The following PTPRD variants were observed in gnomAD, a reference collection of about 807,000 sequenced individuals.
PTPRD encodes receptor-type tyrosine-protein phosphatase delta.
In PTPRD, 34 loss-of-function variants were observed where a neutral mutation model predicts 214.5. That is an observed-to-expected ratio of 0.16 (90% CI 0.12 to 0.21). The LOEUF (loss-of-function observed/expected upper bound fraction) is 0.21. Among genes scored for constraint, PTPRD ranks in the 10% least tolerant of loss-of-function variants. The pLI, the probability that PTPRD is intolerant of heterozygous loss-of-function variation, is 1.00. For missense variants in PTPRD, 2,545 were observed against 2,398.7 expected, an observed-to-expected ratio of 1.06 and a Z score of -1.27; for synonymous variants, 1,128 against 845.7, an observed-to-expected ratio of 1.33 and a Z score of -5.79.
At chr9:9,640,845 T>C (rs1316493246) in intron 7 of PTPRD, among the ~76,000 whole-genome samples, 1 of 152,168 alleles carries the variant, frequency 6.6e-6, no homozygotes, top group Non-Finnish European at 1.5e-5. Context: ...TGCTAAGAGG[T>C]CATTGTAAAT....
At chr9:8,669,913 C>T (rs141999731) in intron 12 of PTPRD, among the ~76,000 whole-genome samples, 115 of 152,156 alleles carry the variant, frequency 7.6e-4, no homozygotes, top group African/African-American at 2.6e-3. Flanking sequence ...AAGAACTTTG[C>T]AAGTCCCTGT....
intron 2 of PTPRD, among the ~76,000 whole-genome samples, chr9:10,545,524 T>G (rs1012441171): frequency 5.3e-5 from 8 of 152,172 alleles, no homozygotes; most frequent in African/African-American, 1.9e-4. Flanking sequence ...CTTGTTTATT[T>G]ATTGATTGAT....
intron 12 of PTPRD, among the ~76,000 whole-genome samples, chr9:8,727,852 T>C (rs767704457): frequency 5.3e-5 from 8 of 152,188 alleles, no homozygotes; most frequent in Non-Finnish European, 8.8e-5. Flanking sequence ...TTTAGTGAGA[T>C]ATAATTCAAA....
chr9:8,644,667 G>A (rs1482949033), intron 12 of PTPRD, among the ~76,000 whole-genome samples: 1 of 152,188 alleles, frequency 6.6e-6, no homozygotes, highest in African/African-American at 2.4e-5. Flanking sequence ...GCCAGCCAGG[G>A]AAGCTGCTGT....
chr9:9,741,380 ATGTT>A (rs1178749944), intron 6 of PTPRD, among the ~76,000 whole-genome samples: 17 of 152,128 alleles, frequency 1.1e-4, no homozygotes, highest in African/African-American at 3.9e-4. Context: ...AAGGAGTAGT[ATGTT>A]TAACTTTTAT....
At chr9:8,509,835 T>C (rs976695188) in intron 21 of PTPRD, among the ~76,000 whole-genome samples, 2 of 152,110 alleles carry the variant, frequency 1.3e-5, no homozygotes, top group African/African-American at 2.4e-5. Flanking sequence ...TCTCAGAGAG[T>C]ACACTGTCCT....
chr9:8,705,085 A>G (rs2098175863), intron 12 of PTPRD, among the ~76,000 whole-genome samples: 1 of 152,036 alleles, frequency 6.6e-6, no homozygotes, highest in Non-Finnish European at 1.5e-5. Context: ...TATTACTGCA[A>G]TTTTCAATAA....
At chr9:9,354,571 G>A (rs1162894809) in intron 9 of PTPRD, among the ~76,000 whole-genome samples, 1 of 151,644 alleles carries the variant, frequency 6.6e-6, no homozygotes, top group Admixed American at 6.6e-5. Flanking sequence ...ATCAGTGAAT[G>A]AAACAAAGTT....
chr9:9,664,062 C>A (rs1187062801), intron 7 of PTPRD, among the ~76,000 whole-genome samples: 1 of 130,248 alleles, frequency 7.7e-6, no homozygotes, highest in African/African-American at 2.9e-5. Context: ...TCAATATCTA[C>A]ATATACAAAC....
intron 3 of PTPRD, among the ~76,000 whole-genome samples, chr9:10,105,628 A>G (rs1265885628): frequency 2.0e-5 from 3 of 151,824 alleles, no homozygotes; most frequent in African/African-American, 4.8e-5. Context: ...CCCTCTGCCA[A>G]CCTGAATTGG....
intron 9 of PTPRD, among the ~76,000 whole-genome samples, chr9:9,291,164 G>A (rs986099516): frequency 1.3e-5 from 2 of 151,378 alleles, no homozygotes; most frequent in Admixed American, 1.3e-4. Flanking sequence ...GCATATGTAT[G>A]GTTTTGAATA....
intron 6 of PTPRD, among the ~76,000 whole-genome samples, chr9:9,738,506 C>G: frequency 7.7e-6 from 1 of 130,610 alleles, no homozygotes; most frequent in South Asian, 2.4e-4. Context: ...ACCATCAGTG[C>G]GATCTTGGCT....
chr9:8,674,536 T>C (rs141765614), intron 12 of PTPRD, among the ~76,000 whole-genome samples: 2 of 151,652 alleles, frequency 1.3e-5, no homozygotes, highest in African/African-American at 4.8e-5. Context: ...TAAGGATTAT[T>C]TGATGGCTAA....
At chr9:9,025,619 C>T (rs2099584361) in intron 10 of PTPRD, among the ~76,000 whole-genome samples, 1 of 151,864 alleles carries the variant, frequency 6.6e-6, no homozygotes, top group African/African-American at 2.4e-5. Context: ...TACTATAATG[C>T]TTTATAATCT....
chr9:8,426,617 T>G (rs1005098761), intron 35 of PTPRD, among the ~76,000 whole-genome samples: 2 of 152,066 alleles, frequency 1.3e-5, no homozygotes, highest in Admixed American at 1.3e-4. Context: ...TATAGAGAAC[T>G]TGTATGAGAA....
intron 35 of PTPRD, among the ~76,000 whole-genome samples, chr9:8,410,491 C>T (rs568119371): frequency 1.3e-5 from 2 of 152,254 alleles, no homozygotes; most frequent in South Asian, 4.1e-4. Context: ...GTTATCAAAT[C>T]TTACTGAGTC....
intron 14 of PTPRD, among the ~76,000 whole-genome samples, chr9:8,622,652 G>A (rs1037282656): frequency 2.6e-5 from 4 of 151,806 alleles, no homozygotes; most frequent in African/African-American, 4.8e-5. Flanking sequence ...CTGGACTAGA[G>A]AGAGCTAGAT....
At chr9:8,930,008 C>T (rs567044328) in intron 11 of PTPRD, among the ~76,000 whole-genome samples, 16 of 150,948 alleles carry the variant, frequency 1.1e-4, no homozygotes, top group African/African-American at 2.2e-4. Context: ...ATGTGCACAA[C>T]GTGCAGGTTT....
chr9:10,430,797 G>A, intron 2 of PTPRD, among the ~76,000 whole-genome samples: 1 of 151,836 alleles, frequency 6.6e-6, no homozygotes, highest in East Asian at 1.9e-4. Flanking sequence ...TACATGGTAG[G>A]AGGCAATAGA....
Sources: gnomAD v4.1 joint callset for allele counts (sites outside exome capture counted in the v4.1 genomes callset) on GRCh38, gnomAD v4.1.1 for gene constraint, MANE v1.5 for transcripts, NCBI Gene and HGNC (gene_info 2026-07-23, HGNC 2026-07-21) for gene names.